ADCY9: variants seen among roughly 807,000 people sequenced by gnomAD.
ADCY9 encodes the protein adenylate cyclase 9.
ADCY9 carries 50 observed loss-of-function variants against 101.5 expected under a neutral mutation model. That is an observed-to-expected ratio of 0.49 (90% CI 0.39 to 0.62). The LOEUF (loss-of-function observed/expected upper bound fraction) is 0.62. ADCY9 is among the 20% of genes least tolerant of loss of function. The probability of loss-of-function intolerance (pLI) is 0.00; values close to 1 mark genes in which losing one functional copy is unlikely to be tolerated. For missense variants in ADCY9, 1,662 were observed against 1,800.4 expected, an observed-to-expected ratio of 0.92 and a Z score of 1.39; for synonymous variants, 905 against 769.3, an observed-to-expected ratio of 1.18 and a Z score of -2.92.
chr16:3,979,067 T>C (rs2056117128), intron 8 of ADCY9, 49 bp downstream of exon 8: 1 of 1,606,098 alleles, frequency 6.2e-7, no homozygotes, highest in Non-Finnish European at 8.5e-7. Flanking sequence ...AAAGAGAGAT[T>C]AGGGAGTCCA....
chr16:3,992,760 G>A lies in ADCY9; in HGVS notation c.1990-397C>T, dbSNP rs533844058. The stretch of plus-strand genomic sequence containing the variant: ...GGGTCCAGGAGAAGTATGACGAGGG[G>A]TCCAGGGCTGTCAGGGCACAGGCAA... On this transcript the variant is annotated intron_variant, in intron 4 of 10. Coordinates refer to ENST00000294016, the MANE Select transcript of ADCY9 (RefSeq NM_001116.4). This position sits in a 1 kb window ranked among gnomAD's most constrained non-coding sequence, Gnocchi z 4.2. Among the ~76,000 whole-genome samples the A allele has an allele frequency of 3.9e-5, 6 of 152,260 alleles. No homozygotes were observed. Among genetic ancestry groups the A allele is most frequent in the Non-Finnish European group, 7.4e-5 (5 of 67,996 alleles).
At position 3,966,755 on chromosome 16, in the gene ADCY9, C is replaced by T. The variant is rs2056001152; in HGVS notation, c.3082G>A (p.Ala1028Thr). ...ATGATGTTCCTCAGCAGCCAGTCTG[C>T]CTGGTCCCGCATGCTCTGGATCTTG... is the stretch of plus-strand genomic sequence containing the variant. The part of the protein sequence containing the change: ...RTKIQSMRDQ[A>T]DWLLRNIIPY... Residue 1028 changes from alanine (A) to threonine (T), a missense_variant, in exon 11 of 11, where the codon GCA becomes ACA. This residue lies in a region of ADCY9 where 220 missense variants were observed against 312.9 expected (regional missense o/e 0.70). Coordinates refer to ENST00000294016, the MANE Select transcript of ADCY9 (RefSeq NM_001116.4). 5 of 1,614,094 alleles carry T rather than the reference C, an allele frequency of 3.1e-6. No homozygotes were observed. The highest frequency in any genetic ancestry group is 2.2e-5 in the East Asian group (1 of 44,898).
intron 2 of ADCY9, among the ~76,000 whole-genome samples, chr16:4,016,949 T>A (rs2056442728): frequency 6.6e-6 from 1 of 152,196 alleles, no homozygotes; most frequent in Non-Finnish European, 1.5e-5. Context: ...ATCATACACT[T>A]GAGAGGGTGA....
rs1057403650 is a variant in ADCY9 at position 4,115,728 on chromosome 16, G to T, written c.-82C>A. ...GGGTCCCCGCCGCGTGGCCGCCGTG[G>T]CTCCGGGACCGCTTTGCTCGCTCGC... On this transcript the variant is annotated 5_prime_UTR_variant, in exon 1 of 11. Coordinates refer to ENST00000294016, the MANE Select transcript of ADCY9 (RefSeq NM_001116.4). This position sits in a 1 kb window ranked among gnomAD's most constrained non-coding sequence, Gnocchi z 6.2. 2 of 424,948 alleles carry T rather than the reference G, an allele frequency of 4.7e-6. No homozygotes were observed. The highest frequency in any genetic ancestry group is 8.3e-6 in the Non-Finnish European group (2 of 242,360). The allele number at this position is 424,948 out of a possible 1,614,324, so 26.3% of individuals were successfully genotyped here.
At chr16:4,019,324 A>G (rs1456638849) in intron 2 of ADCY9, among the ~76,000 whole-genome samples, 5 of 152,148 alleles carry the variant, frequency 3.3e-5, no homozygotes, top group African/African-American at 9.7e-5. Flanking sequence ...TGCACATTCC[A>G]TAAGTTGAGA....
intron 2 of ADCY9, among the ~76,000 whole-genome samples, chr16:4,092,592 TG>T (rs776292833): frequency 1.2e-4 from 19 of 152,346 alleles, no homozygotes; most frequent in Middle Eastern, 3.4e-3. Flanking sequence ...TTTGGTCTTA[TG>T]GAAAACGTGT....
chr16:4,049,437 A>T (rs1172078050), intron 2 of ADCY9, among the ~76,000 whole-genome samples: 1 of 152,168 alleles, frequency 6.6e-6, no homozygotes, highest in East Asian at 1.9e-4. Flanking sequence ...CCAAGACCCT[A>T]GCCGAGCCCA....
intron 2 of ADCY9, among the ~76,000 whole-genome samples, chr16:4,019,220 G>A (rs913045757): frequency 6.6e-6 from 1 of 151,952 alleles, no homozygotes; most frequent in African/African-American, 2.4e-5. Flanking sequence ...GGCCTGAAGT[G>A]ATCCTCCGGC....
intron 2 of ADCY9, among the ~76,000 whole-genome samples, chr16:4,103,643 A>T (rs1029954636): frequency 6.6e-6 from 1 of 152,204 alleles, no homozygotes; most frequent in Non-Finnish European, 1.5e-5. Context: ...CAGCCTGGCC[A>T]ATATGGCGAA....
intron 2 of ADCY9, among the ~76,000 whole-genome samples, chr16:4,076,314 A>C (rs531688836): frequency 4.6e-5 from 7 of 152,346 alleles, no homozygotes; most frequent in Admixed American, 2.6e-4. Context: ...TAAAAGAAAA[A>C]TTCAAGTCAG....
downstream of ADCY9, among the ~76,000 whole-genome samples, chr16:3,959,332 A>G (rs961047095): frequency 1.3e-5 from 2 of 149,878 alleles, no homozygotes; most frequent in African/African-American, 4.9e-5. Flanking sequence ...ACTGCATTCC[A>G]GCTTGGATGA....
chr16:3,993,375 C>A, intron 4 of ADCY9, 31 bp downstream of exon 4: 1 of 1,608,484 alleles, frequency 6.2e-7, no homozygotes, highest in Non-Finnish European at 8.5e-7. Flanking sequence ...AGGAGAGGAA[C>A]TGACAGGAAC....
chr16:3,966,736 T>C lies in ADCY9; in HGVS notation c.3101A>G (p.Asn1034Ser). ...CTCAGCCACGTGGTAGGGGATGATG[T>C]TCCTCAGCAGCCAGTCTGCCTGGTC... ...MRDQADWLLR[N>S]IIPYHVAEQL... Residue 1034 changes from asparagine (N) to serine (S), a missense_variant, in exon 11 of 11, where the codon AAC (asparagine) becomes AGC (serine). Asn to Ser is a conservative substitution (Grantham distance 46, BLOSUM62 1). Transcript: ENST00000294016. The C allele has an allele frequency of 6.2e-7, 1 of 1,614,176 alleles. No homozygotes were observed.
In ADCY9 at chr16:4,066,659, A is replaced by G. The variant is rs184005300; in HGVS notation, c.1693+47091T>C. On this transcript the variant is annotated intron_variant, in intron 2 of 10. Coordinates refer to ENST00000294016, the MANE Select transcript of ADCY9 (RefSeq NM_001116.4). ...CTCAGCCTCCCAAAGTGCTGGAATT[A>G]TAAGTGTGAGCCACAGCTTCCCACT... 1.6e-3 allele frequency among the ~76,000 whole-genome samples: 238 copies of G among 152,336 alleles called. 1 individual carries two copies. The highest frequency in any genetic ancestry group is 5.4e-3 in the African/African-American group (225 of 41,578).
chr16:4,008,470 G>A (rs140536576), intron 2 of ADCY9, among the ~76,000 whole-genome samples: 9 of 152,160 alleles, frequency 5.9e-5, no homozygotes, highest in South Asian at 2.1e-4. Flanking sequence ...CAAATGTATC[G>A]GAAGGAGGGA....
intron 6 of ADCY9, 24 bp from the exon 7 acceptor site, chr16:3,983,464 G>A (rs1232136284): frequency 1.3e-6 from 2 of 1,577,690 alleles, no homozygotes; most frequent in African/African-American, 1.3e-5. Flanking sequence ...GAGTGGAGCA[G>A]AATGACTGGG....
At chr16:3,969,523 GCCA>G (rs1459608240) in intron 10 of ADCY9, among the ~76,000 whole-genome samples, 1 of 135,354 alleles carries the variant, frequency 7.4e-6, no homozygotes, top group African/African-American at 2.7e-5. Flanking sequence ...ACAGGTGTGA[GCCA>G]CCACACCTGG....
At chr16:4,003,331 T>A (rs2056343999) in intron 3 of ADCY9, among the ~76,000 whole-genome samples, 1 of 152,068 alleles carries the variant, frequency 6.6e-6, no homozygotes, top group Non-Finnish European at 1.5e-5. Context: ...TGGGACCGTC[T>A]CTCGGCCCCT....
At chr16:4,081,751 G>A (rs1385370590) in intron 2 of ADCY9, among the ~76,000 whole-genome samples, 1 of 148,388 alleles carries the variant, frequency 6.7e-6, no homozygotes, top group Non-Finnish European at 1.5e-5. Flanking sequence ...AGCAAGAGAG[G>A]GTGTAACGGT....
Sources: gnomAD v4.1 joint callset for allele counts (sites outside exome capture counted in the v4.1 genomes callset) on GRCh38, gnomAD v4.1.1 for gene constraint, gnomAD v4.1.1 regional missense constraint, Gnocchi (gnomAD v3.1) non-coding constraint, MANE v1.5 for transcripts, NCBI Gene and HGNC (gene_info 2026-07-23, HGNC 2026-07-21) for gene names.